ADAM10: variants seen among roughly 807,000 people sequenced by gnomAD.
The protein encoded by ADAM10 is disintegrin and metalloproteinase domain-containing protein 10.
ADAM10 carries 17 observed loss-of-function variants against 90.1 expected under a neutral mutation model. The observed-to-expected ratio is 0.19, with a 90% confidence interval of 0.13 to 0.28. ADAM10 has a LOEUF of 0.28. Among genes scored for constraint, ADAM10 ranks in the 10% least tolerant of loss-of-function variants. The probability of loss-of-function intolerance (pLI) is 1.00; values close to 1 mark genes in which losing one functional copy is unlikely to be tolerated. For missense variants in ADAM10, 610 were observed against 914.3 expected, an observed-to-expected ratio of 0.67 and a Z score of 4.29; for synonymous variants, 310 against 298.6, an observed-to-expected ratio of 1.04 and a Z score of -0.40.
rs199804400 is a variant in ADAM10, at chr15:58,730,001, AAC to A, written c.56-12276_56-12275del. Reference sequence around the variant, plus strand: ...AAAACAAAAACAAAACAAACAAACAAACAAAAAAAAAAACTCATTGAAGCACT... The same window carrying A: ...AAAACAAAAACAAAACAAACAAACAAAAAAAAAAAAACTCATTGAAGCACT... On this transcript the variant is annotated intron_variant, in intron 1 of 15. Coordinates refer to ENST00000260408, the MANE Select transcript of ADAM10 (RefSeq NM_001110.4). Among the ~76,000 whole-genome samples, 274 of 129,308 alleles carry A rather than the reference AAC, an allele frequency of 2.1e-3. 6 individuals are homozygous for A. Among genetic ancestry groups the A allele is most frequent in the East Asian group, 0.011 (27 of 2,374 alleles). The allele number at this position is 129,308 out of a possible 152,430, so 84.8% of individuals were successfully genotyped here. A position where few individuals can be genotyped will look rare whatever the true frequency, so the allele number is the denominator to read the frequency against.
intron 1 of ADAM10, among the ~76,000 whole-genome samples, chr15:58,735,735 G>T (rs1460205406): frequency 1.3e-5 from 2 of 151,864 alleles, no homozygotes; most frequent in East Asian, 1.9e-4. Flanking sequence ...AGACACAGAG[G>T]GTCAACTGGT....
At chr15:58,734,902 G>C (rs1899377802) in intron 1 of ADAM10, among the ~76,000 whole-genome samples, 1 of 151,974 alleles carries the variant, frequency 6.6e-6, no homozygotes, top group African/African-American at 2.4e-5. Flanking sequence ...GATTGAAATG[G>C]GCATGGTTTA....
intron 2 of ADAM10, among the ~76,000 whole-genome samples, chr15:58,697,950 C>T (rs1215897077): frequency 6.6e-6 from 1 of 152,140 alleles, no homozygotes; most frequent in Non-Finnish European, 1.5e-5. Context: ...GGAGACTACA[C>T]CACTGCATGC....
At chr15:58,623,346 T>C (rs954329073) in intron 10 of ADAM10, among the ~76,000 whole-genome samples, 11 of 152,176 alleles carry the variant, frequency 7.2e-5, no homozygotes, top group Non-Finnish European at 1.2e-4. Context: ...TGAACCCTGA[T>C]TTCAGGGCCC....
rs1166132209 is a variant in ADAM10 at position 58,691,287 on chromosome 15, GTA to G, written c.207-8975_207-8974del. 3.2e-6 allele frequency: 4 copies of G among 1,249,208 alleles called. No homozygotes were observed. In the African/African-American group the frequency reaches 5.9e-5, roughly 18 times the overall value. The allele number at this position is 1,249,208 out of a possible 1,614,324, so 77.4% of individuals were successfully genotyped here. A position where few individuals can be genotyped will look rare whatever the true frequency, so the allele number is the denominator to read the frequency against. On this transcript the variant is annotated intron_variant, in intron 2 of 15. Coordinates refer to ENST00000260408, the MANE Select transcript of ADAM10 (RefSeq NM_001110.4). ...CTCAGGTAGCTCCAGACCCTCCTTG[GTA>G]ACTGACAGCAGGCTCTTCCCATCAA...
chr15:58,712,242 T>C (rs556488085), intron 2 of ADAM10, among the ~76,000 whole-genome samples: 119 of 152,244 alleles, frequency 7.8e-4, no homozygotes, highest in Non-Finnish European at 6.6e-4. Flanking sequence ...AATTATAGTA[T>C]GCTAAAGTAC....
At chr15:58,670,865 A>T (rs1369047826) in intron 4 of ADAM10, among the ~76,000 whole-genome samples, 1 of 152,132 alleles carries the variant, frequency 6.6e-6, no homozygotes, top group Non-Finnish European at 1.5e-5. Flanking sequence ...CCAACTTTAA[A>T]GGAAAAGTAG....
chr15:58,627,018 T>C (rs556836496), intron 10 of ADAM10, among the ~76,000 whole-genome samples: 54 of 152,326 alleles, frequency 3.5e-4, no homozygotes, highest in Admixed American at 8.5e-4. Context: ...ATAGTAACTT[T>C]ATTCACATTA....
In ADAM10 at chr15:58,597,669, G is replaced by T. The variant is rs201881532; in HGVS notation, c.2153-28C>A. The T allele has an allele frequency of 1.4e-5, 22 of 1,612,300 alleles. No individual in the cohort carries two copies. In the Middle Eastern group the frequency reaches 1.0e-3, roughly 73 times the overall value. On this transcript the variant is annotated intron_variant, in intron 15 of 15. Transcript: ENST00000260408. The stretch of plus-strand genomic sequence containing the variant: ...GTGAGCCACAAATAAAAGCAAAGCA[G>T]ATTTATTTATCATGAGCTTTTTAAT...
At chr15:58,731,276 A>T (rs925250411) in intron 1 of ADAM10, among the ~76,000 whole-genome samples, 16 of 152,190 alleles carry the variant, frequency 1.1e-4, no homozygotes, top group African/African-American at 3.6e-4. Flanking sequence ...ACACAAATGA[A>T]GTGCTGGCAT....
At chr15:58,663,686 T>C (rs959653176) in intron 5 of ADAM10, among the ~76,000 whole-genome samples, 1 of 152,118 alleles carries the variant, frequency 6.6e-6, no homozygotes, top group East Asian at 1.9e-4. Context: ...CCCATTAATA[T>C]GGTATATCTC....
At chr15:58,618,891 C>T (rs1333538910) in intron 11 of ADAM10, among the ~76,000 whole-genome samples, 1 of 151,846 alleles carries the variant, frequency 6.6e-6, no homozygotes, top group African/African-American at 2.4e-5. Flanking sequence ...AGATCAGGAA[C>T]CATTAGTTTA....
intron 2 of ADAM10, chr15:58,690,982 G>A (rs1897766050): frequency 2.7e-5 from 13 of 476,964 alleles, no homozygotes; most frequent in South Asian, 2.2e-4. Context: ...GCCTTCTGCT[G>A]TAGTGTCTCC....
At chr15:58,661,145 C>A (rs1036545911) in intron 5 of ADAM10, among the ~76,000 whole-genome samples, 1 of 152,216 alleles carries the variant, frequency 6.6e-6, no homozygotes, top group African/African-American at 2.4e-5. Flanking sequence ...CTGTATATTA[C>A]AAAATCCATT....
chr15:58,749,666 G>T lies in ADAM10; in HGVS notation c.-132C>A. The stretch of plus-strand genomic sequence containing the variant: ...CGGGACCTCCCCTGGCAGGAGAAAC[G>T]GCGAAGCACCTCCCTCTCGCTCCAC... On this transcript the variant is annotated 5_prime_UTR_variant, in exon 1 of 16. Transcript: ENST00000260408. 6.8e-7 allele frequency: 1 copy of T among 1,476,780 alleles called. No individual in the cohort carries two copies. Among genetic ancestry groups the T allele is most frequent in the Non-Finnish European group, 9.1e-7 (1 of 1,102,818 alleles). 91.5% of individuals were successfully genotyped at this position (1,476,780 alleles called of 1,614,324 possible). A position where few individuals can be genotyped will look rare whatever the true frequency, so the allele number is the denominator to read the frequency against.
chr15:58,653,385 C>T (rs1254212972), intron 5 of ADAM10, among the ~76,000 whole-genome samples: 2 of 152,082 alleles, frequency 1.3e-5, no homozygotes, highest in Non-Finnish European at 2.9e-5. Context: ...TGTTGAGATA[C>T]GTACCTTCTA....
chr15:58,619,728 G>C (rs560357278), intron 11 of ADAM10, among the ~76,000 whole-genome samples: 15 of 152,026 alleles, frequency 9.9e-5, no homozygotes, highest in East Asian at 1.9e-4. Flanking sequence ...CAAGGTGAAA[G>C]CCCATCTCTA....
At chr15:58,645,052 C>T (rs2140693900) in intron 6 of ADAM10, among the ~76,000 whole-genome samples, 1 of 152,274 alleles carries the variant, frequency 6.6e-6, no homozygotes, top group South Asian at 2.1e-4. Flanking sequence ...CTCTTGCTAC[C>T]ATTTATGTGA....
intron 11 of ADAM10, among the ~76,000 whole-genome samples, chr15:58,616,705 T>C (rs1895625623): frequency 6.6e-6 from 1 of 151,968 alleles, no homozygotes; most frequent in Non-Finnish European, 1.5e-5. Flanking sequence ...AACCTAACAA[T>C]GCACCTCAAC....
Sources: allele counts gnomAD v4.1 joint callset (sites outside exome capture counted in the v4.1 genomes callset), GRCh38; gene constraint gnomAD v4.1.1; transcripts MANE v1.5; gene names NCBI Gene and HGNC (gene_info 2026-07-23, HGNC 2026-07-21).